The following OPCML variants were observed in gnomAD, a reference collection of about 807,000 sequenced individuals.
OPCML encodes the protein opioid-binding protein/cell adhesion molecule.
In OPCML, 13 loss-of-function variants were observed where a neutral mutation model predicts 37.8. The ratio of observed to expected loss-of-function variants is 0.34; its 90% CI spans 0.22 to 0.55. The LOEUF is 0.55. Ranked by LOEUF, OPCML falls within the 20% of genes least tolerant of loss-of-function variation. The probability of loss-of-function intolerance (pLI) is 0.91; values close to 1 mark genes in which losing one functional copy is unlikely to be tolerated. For missense variants in OPCML, 341 were observed against 435.6 expected (o/e 0.78, Z 1.93); for synonymous variants, 176 against 168.8 (o/e 1.04, Z -0.33).
At chr11:132,741,722 T>G (rs372390564) in intron 2 of OPCML, among the ~76,000 whole-genome samples, 4 of 152,152 alleles carry the variant, frequency 2.6e-5, no homozygotes, top group African/African-American at 9.7e-5. Flanking sequence ...AAAAATCATA[T>G]TAGGATAATT....
At chr11:133,457,819 G>A (rs2136971969) in intron 1 of OPCML, among the ~76,000 whole-genome samples, 1 of 152,150 alleles carries the variant, frequency 6.6e-6, no homozygotes, top group South Asian at 2.1e-4. Context: ...TATCCTTTAA[G>A]TTGAAAGAAA....
intron 1 of OPCML, among the ~76,000 whole-genome samples, chr11:133,376,849 T>C (rs928628842): frequency 1.3e-5 from 2 of 152,090 alleles, no homozygotes; most frequent in African/African-American, 4.8e-5. Flanking sequence ...ACTTTGGAAA[T>C]TTTGCATTGA....
chr11:133,345,592 G>A (rs754772381), intron 1 of OPCML, among the ~76,000 whole-genome samples: 1 of 152,188 alleles, frequency 6.6e-6, no homozygotes, highest in East Asian at 1.9e-4. Flanking sequence ...GTCAGAGAAC[G>A]TATTGCTTGT....
At chr11:132,515,336 T>C (rs1338113514) in intron 4 of OPCML, among the ~76,000 whole-genome samples, 4 of 152,260 alleles carry the variant, frequency 2.6e-5, no homozygotes, top group East Asian at 1.9e-4. Context: ...AAGGACTTCA[T>C]TGATCTCCTT....
intron 3 of OPCML, among the ~76,000 whole-genome samples, chr11:132,622,351 G>A (rs1200357627): frequency 1.3e-5 from 2 of 152,064 alleles, no homozygotes; most frequent in Non-Finnish European, 2.9e-5. Context: ...GAGCAAACAT[G>A]AAAAGAGGAG....
chr11:132,585,508 A>G (rs1389352580), intron 3 of OPCML, among the ~76,000 whole-genome samples: 1 of 152,176 alleles, frequency 6.6e-6, no homozygotes, highest in Admixed American at 6.5e-5. Flanking sequence ...TCTCTGGCCT[A>G]TCATGGCCTA....
At chr11:132,895,792 C>T (rs1486679486) in intron 2 of OPCML, among the ~76,000 whole-genome samples, 1 of 152,110 alleles carries the variant, frequency 6.6e-6, no homozygotes, top group Non-Finnish European at 1.5e-5. Flanking sequence ...TGCTGAGTCT[C>T]CTCAGAATCC....
At chr11:132,936,203 C>T (rs1945367021) in intron 2 of OPCML, among the ~76,000 whole-genome samples, 1 of 152,204 alleles carries the variant, frequency 6.6e-6, no homozygotes, top group Non-Finnish European at 1.5e-5. Flanking sequence ...TCCTGACCTT[C>T]AGGAACAGAA....
At chr11:132,896,282 A>G (rs1221267612) in intron 2 of OPCML, among the ~76,000 whole-genome samples, 1 of 152,168 alleles carries the variant, frequency 6.6e-6, no homozygotes, top group Non-Finnish European at 1.5e-5. Context: ...CAGACTTTTC[A>G]TCAATACTTT....
chr11:133,118,729 A>G (rs1592018663), intron 1 of OPCML, among the ~76,000 whole-genome samples: 1 of 151,892 alleles, frequency 6.6e-6, no homozygotes, highest in East Asian at 1.9e-4. Flanking sequence ...GCAGCTCTGC[A>G]GTTCTTCCTT....
chr11:132,950,953 G>A (rs1447607022), intron 1 of OPCML, among the ~76,000 whole-genome samples: 2 of 152,170 alleles, frequency 1.3e-5, no homozygotes, highest in African/African-American at 4.8e-5. Context: ...GAAGGACCTG[G>A]GTTTAAGACC....
intron 1 of OPCML, among the ~76,000 whole-genome samples, chr11:133,311,409 C>A (rs529172009): frequency 6.6e-6 from 1 of 152,266 alleles, no homozygotes; most frequent in African/African-American, 2.4e-5. Flanking sequence ...TTGGCCCAGA[C>A]TTTCTAGTGA....
intron 1 of OPCML, among the ~76,000 whole-genome samples, chr11:133,049,531 T>G (rs1251396159): frequency 6.6e-6 from 1 of 152,210 alleles, no homozygotes; most frequent in Non-Finnish European, 1.5e-5. Context: ...CACATCTATT[T>G]GAATGTTAAA....
At chr11:132,491,717 T>C (rs1044118451) in intron 4 of OPCML, among the ~76,000 whole-genome samples, 1 of 152,192 alleles carries the variant, frequency 6.6e-6, no homozygotes, top group Non-Finnish European at 1.5e-5. Flanking sequence ...AGGGGTGGGG[T>C]CTACACCAAT....
At chr11:133,089,057 T>C (rs1347855751) in intron 1 of OPCML, among the ~76,000 whole-genome samples, 1 of 152,224 alleles carries the variant, frequency 6.6e-6, no homozygotes, top group Non-Finnish European at 1.5e-5. Flanking sequence ...GATGGAGTGA[T>C]TTGACCCATA....
intron 2 of OPCML, among the ~76,000 whole-genome samples, chr11:132,751,721 C>T (rs917568575): frequency 6.6e-6 from 1 of 152,130 alleles, no homozygotes; most frequent in Non-Finnish European, 1.5e-5. Context: ...AACCAAGTTC[C>T]GTCGGCATCC....
At chr11:133,483,310 G>GATAGATAGATAGA (rs1565659150) in intron 1 of OPCML, among the ~76,000 whole-genome samples, 11 of 81,136 alleles carry the variant, frequency 1.4e-4, no homozygotes, top group African/African-American at 9.7e-4. Flanking sequence ...TGATAGATAG[G>GATAGATAGATAGA]CAGATAGATA....
At chr11:133,385,109 A>T (rs148288029) in intron 1 of OPCML, among the ~76,000 whole-genome samples, 29 of 152,280 alleles carry the variant, frequency 1.9e-4, no homozygotes, top group Middle Eastern at 3.4e-3. Context: ...GCTTGTCCTA[A>T]GAGGCAGTGA....
At chr11:132,819,388 GA>G (rs1939837315) in intron 2 of OPCML, among the ~76,000 whole-genome samples, 3 of 148,814 alleles carry the variant, frequency 2.0e-5, no homozygotes, top group Non-Finnish European at 4.5e-5. Context: ...CAAAATGGAT[GA>G]AATAGATGTA....
Sources: gnomAD v4.1 joint callset for allele counts (sites outside exome capture counted in the v4.1 genomes callset) on GRCh38, gnomAD v4.1.1 for gene constraint, MANE v1.5 for transcripts, NCBI Gene and HGNC (gene_info 2026-07-23, HGNC 2026-07-21) for gene names.